KCNIP4: variants seen among roughly 807,000 people sequenced by gnomAD.
KCNIP4 encodes potassium voltage-gated channel interacting protein 4.
A neutral mutation model predicts 34.0 loss-of-function variants in KCNIP4; 12 were observed. The observed-to-expected ratio is 0.35, with a 90% CI of 0.23 to 0.57. KCNIP4 has a LOEUF of 0.57. Among genes scored for constraint, KCNIP4 ranks in the 20% least tolerant of loss-of-function variants. The pLI, the probability that KCNIP4 is intolerant of heterozygous loss-of-function variation, is 0.83. For missense variants in KCNIP4, 238 were observed against 311.7 expected (o/e 0.76, Z 1.78); for synonymous variants, 124 against 102.2 (o/e 1.21, Z -1.29).
intron 1 of KCNIP4, among the ~76,000 whole-genome samples, chr4:21,668,692 T>C (rs911599403): frequency 1.3e-5 from 2 of 152,194 alleles, no homozygotes; most frequent in South Asian, 2.1e-4. Context: ...TCCACAAAAG[T>C]ATTCAAATAT....
chr4:21,565,533 C>G (rs1739810825), intron 1 of KCNIP4, among the ~76,000 whole-genome samples: 1 of 152,108 alleles, frequency 6.6e-6, no homozygotes, highest in African/African-American at 2.4e-5. Flanking sequence ...TAGCCTCAAA[C>G]CTGGCATATA....
intron 1 of KCNIP4, among the ~76,000 whole-genome samples, chr4:21,346,701 G>C (rs943382107): frequency 2.0e-5 from 3 of 152,006 alleles, no homozygotes; most frequent in Admixed American, 2.0e-4. Flanking sequence ...GGGGAATCTT[G>C]TTAAAACATG....
At chr4:20,803,796 A>G (rs1409880921) in intron 3 of KCNIP4, among the ~76,000 whole-genome samples, 4 of 152,022 alleles carry the variant, frequency 2.6e-5, no homozygotes, top group African/African-American at 9.7e-5. Context: ...CAGAAAAACC[A>G]TAGAAAGAAT....
intron 1 of KCNIP4, among the ~76,000 whole-genome samples, chr4:20,905,651 A>G (rs1290967825): frequency 1.3e-5 from 2 of 151,390 alleles, no homozygotes; most frequent in Non-Finnish European, 1.5e-5. Flanking sequence ...AGCTGGAACT[A>G]CAGACATGTG....
chr4:20,879,344 A>C (rs776971930), intron 2 of KCNIP4, among the ~76,000 whole-genome samples: 4 of 152,156 alleles, frequency 2.6e-5, no homozygotes, highest in Non-Finnish European at 5.9e-5. Flanking sequence ...CGATGGGAGA[A>C]GGCCATTGGC....
intron 1 of KCNIP4, among the ~76,000 whole-genome samples, chr4:20,972,328 C>T (rs551568036): frequency 6.6e-6 from 1 of 152,154 alleles, no homozygotes; most frequent in Non-Finnish European, 1.5e-5. Flanking sequence ...CTCTTTATGG[C>T]AGCTATAGCC....
intron 1 of KCNIP4, among the ~76,000 whole-genome samples, chr4:21,786,202 C>G (rs185963782): frequency 6.6e-6 from 1 of 152,208 alleles, no homozygotes; most frequent in Admixed American, 6.5e-5. Context: ...CTGCCTTGGC[C>G]TCCCAAAGTG....
At chr4:20,744,703 C>T (rs1429023498) in intron 5 of KCNIP4, among the ~76,000 whole-genome samples, 1 of 152,074 alleles carries the variant, frequency 6.6e-6, no homozygotes, top group Admixed American at 6.6e-5. Flanking sequence ...ACCAACATGG[C>T]ACATGTATAC....
chr4:21,916,567 G>A (rs556363727), intron 1 of KCNIP4, among the ~76,000 whole-genome samples: 11 of 152,178 alleles, frequency 7.2e-5, no homozygotes, highest in East Asian at 1.9e-4. Context: ...TCAGTGTACC[G>A]TCTACCAACA....
At position 21,763,535 on chromosome 4, in the gene KCNIP4, G is replaced by A. The variant is rs148946462; in HGVS notation, c.61+185036C>T. Among the ~76,000 whole-genome samples the A allele has an allele frequency of 3.0e-3, 463 of 152,256 alleles. 2 individuals carry two copies. The highest frequency in any genetic ancestry group is 3.7e-3 in the Non-Finnish European group (249 of 68,008). ...CCTTAGCTAGTATTAAAGGGTAAATGTGCCATTCTAGAGTGTCTTCTGAGA... is the reference window on the plus strand; with the variant it reads ...CCTTAGCTAGTATTAAAGGGTAAATATGCCATTCTAGAGTGTCTTCTGAGA... On this transcript the variant is annotated intron_variant, in intron 1 of 8. Coordinates refer to ENST00000382152, the MANE Select transcript of KCNIP4 (RefSeq NM_025221.6).
intron 1 of KCNIP4, among the ~76,000 whole-genome samples, chr4:21,311,213 C>T (rs1713120602): frequency 6.6e-6 from 1 of 152,080 alleles, no homozygotes; most frequent in Non-Finnish European, 1.5e-5. Flanking sequence ...GTCCATATAA[C>T]AAACTCAATG....
chr4:20,815,925 G>A (rs1300819455), intron 3 of KCNIP4, among the ~76,000 whole-genome samples: 3 of 152,070 alleles, frequency 2.0e-5, no homozygotes, highest in Non-Finnish European at 4.4e-5. Flanking sequence ...TGACACATAT[G>A]GATAGCTCTG....
intron 3 of KCNIP4, among the ~76,000 whole-genome samples, chr4:20,811,500 T>C (rs1226930469): frequency 1.1e-5 from 1 of 94,282 alleles, no homozygotes; most frequent in Non-Finnish European, 2.3e-5. Context: ...CATGTGTGTG[T>C]GTGTGTGTGT....
intron 1 of KCNIP4, among the ~76,000 whole-genome samples, chr4:21,862,962 A>G (rs1725177290): frequency 7.8e-6 from 1 of 127,752 alleles, no homozygotes. Context: ...CTCCGTCTCA[A>G]AAAAAGAAAA....
At chr4:21,165,994 C>G (rs1448321779) in intron 1 of KCNIP4, among the ~76,000 whole-genome samples, 1 of 152,166 alleles carries the variant, frequency 6.6e-6, no homozygotes, top group Non-Finnish European at 1.5e-5. Context: ...CATGCAGGAA[C>G]AGGGCACCAT....
Position 20,732,071 on chromosome 4 carries a change from G to A in KCNIP4, c.643-3C>T, listed in dbSNP as rs966552462. On this transcript the variant is annotated splice_region_variant and splice_polypyrimidine_tract_variant and intron_variant, in intron 7 of 8. Transcript: ENST00000382152. ...CCATCTTTATTTTTGTCCATTTTCT[G>A]TTCAGGAAGAAAACAAAAATTGTAT... 2 of 1,581,556 alleles carry A rather than the reference G, an allele frequency of 1.3e-6. No homozygotes were observed. The highest frequency in any genetic ancestry group is 1.7e-5 in the Admixed American group (1 of 57,244).
At chr4:21,823,826 T>TA (rs201741462) in intron 1 of KCNIP4, among the ~76,000 whole-genome samples, 5 of 151,188 alleles carry the variant, frequency 3.3e-5, no homozygotes, top group African/African-American at 7.3e-5. Flanking sequence ...ATCACACACA[T>TA]AAAAAAAAAT....
At chr4:21,213,611 ACTT>A (rs1553833718) in intron 1 of KCNIP4, among the ~76,000 whole-genome samples, 1 of 151,942 alleles carries the variant, frequency 6.6e-6, no homozygotes, top group Non-Finnish European at 1.5e-5. Flanking sequence ...CGAAAGCACT[ACTT>A]CTAAACTGTT....
At chr4:21,928,127 T>TATATATATATATATATACACAC (rs141651426) in intron 1 of KCNIP4, among the ~76,000 whole-genome samples, 1 of 143,920 alleles carries the variant, frequency 6.9e-6, no homozygotes, top group Non-Finnish European at 1.5e-5. Context: ...TATATATATA[T>TATATATATATATATATACACAC]ACACACACAC....
Sources: gnomAD v4.1 joint callset for allele counts (sites outside exome capture counted in the v4.1 genomes callset) on GRCh38, gnomAD v4.1.1 for gene constraint, MANE v1.5 for transcripts, NCBI Gene and HGNC (gene_info 2026-07-23, HGNC 2026-07-21) for gene names.